The following SCLT1 variants were observed in gnomAD, a reference collection of about 807,000 sequenced individuals.
SCLT1 encodes the protein sodium channel-associated protein 1.
In SCLT1, 78 loss-of-function variants were observed where a neutral mutation model predicts 112.8. The ratio of observed to expected loss-of-function variants is 0.69; its 90% CI spans 0.58 to 0.83. SCLT1 has a LOEUF of 0.83. Among genes scored for constraint, SCLT1 ranks in the 40% least tolerant of loss-of-function variants. The pLI is 0.00. For missense variants in SCLT1, 747 were observed against 770.4 expected (o/e 0.97, Z 0.36); for synonymous variants, 257 against 254.7 (o/e 1.01, Z -0.09).
chr4:129,077,398 T>C (rs993303085), intron 2 of SCLT1, among the ~76,000 whole-genome samples: 4 of 152,194 alleles, frequency 2.6e-5, no homozygotes, highest in African/African-American at 9.6e-5. Context: ...GGACTTTATC[T>C]TGAAAAATAA....
chr4:129,086,312 T>C (rs1752391773), intron 1 of SCLT1, among the ~76,000 whole-genome samples: 1 of 13,616 alleles, frequency 7.3e-5, no homozygotes, highest in African/African-American at 1.7e-4. Flanking sequence ...GGTGTATGTA[T>C]GTATATATAT....
intron 5 of SCLT1, among the ~76,000 whole-genome samples, chr4:129,033,914 A>G (rs947233492): frequency 1.3e-5 from 2 of 152,210 alleles, no homozygotes; most frequent in Non-Finnish European, 2.9e-5. Flanking sequence ...GATTATTAAA[A>G]ATAGATATTT....
chr4:129,033,154 T>C (rs1467045598), intron 5 of SCLT1, among the ~76,000 whole-genome samples: 1 of 152,042 alleles, frequency 6.6e-6, no homozygotes, highest in Middle Eastern at 3.2e-3. Context: ...CAGAATACTA[T>C]GCAGCCATAA....
At chr4:129,007,466 T>C (rs1191887771) in intron 5 of SCLT1, among the ~76,000 whole-genome samples, 1 of 152,204 alleles carries the variant, frequency 6.6e-6, no homozygotes, top group African/African-American at 2.4e-5. Flanking sequence ...TGGGCAAATA[T>C]AATTTCGTAT....
At position 128,985,109 on chromosome 4, in the gene SCLT1, T is replaced by C. The variant is rs188333909; in HGVS notation, c.686+7058A>G. Among the ~76,000 whole-genome samples, 871 of 152,278 alleles carry C rather than the reference T, an allele frequency of 5.7e-3. 4 individuals are homozygous for C. The highest frequency in any genetic ancestry group is 8.8e-3 in the Admixed American group (134 of 15,298). ...TGTAATTATCACATTTTACTGTTCA[T>C]TCCCTTAGTGACAAATACCTAGGTT... On this transcript the variant is annotated intron_variant, in intron 9 of 20. Transcript: ENST00000281142.
intron 2 of SCLT1, among the ~76,000 whole-genome samples, chr4:129,061,592 G>T (rs1390171700): frequency 6.6e-6 from 1 of 152,128 alleles, no homozygotes; most frequent in Non-Finnish European, 1.5e-5. Flanking sequence ...AGATGTGATT[G>T]CTCTGAGTGG....
chr4:129,071,730 G>T (rs1325614983), intron 2 of SCLT1, among the ~76,000 whole-genome samples: 1 of 152,128 alleles, frequency 6.6e-6, no homozygotes, highest in East Asian at 1.9e-4. Context: ...CAGATAGTTG[G>T]TTGGTGAGTT....
chr4:128,885,325 C>T (rs933656729), intron 20 of SCLT1, among the ~76,000 whole-genome samples: 1 of 152,156 alleles, frequency 6.6e-6, no homozygotes, highest in African/African-American at 2.4e-5. Context: ...ATTCCATAGA[C>T]CCCTCTCCAG....
In SCLT1 at chr4:128,910,367, T is replaced by A. The variant is rs183230054; in HGVS notation, c.1830-19230A>T. Among the ~76,000 whole-genome samples, 40 of 152,370 alleles carry A rather than the reference T, an allele frequency of 2.6e-4. No individual in the cohort carries two copies. In the East Asian group the frequency reaches 6.4e-3, roughly 24 times the overall value. ...AAAAGTGAGGCTGAACTTGCTTTGC[T>A]ATGTTTAAAGGAGATTTGCATCGAT... On this transcript the variant is annotated intron_variant, in intron 18 of 20. Coordinates refer to ENST00000281142, the MANE Select transcript of SCLT1 (RefSeq NM_144643.4).
At chr4:128,930,396 A>G (rs185871137) in intron 18 of SCLT1, among the ~76,000 whole-genome samples, 60 of 152,282 alleles carry the variant, frequency 3.9e-4, no homozygotes, top group Admixed American at 3.3e-3. Flanking sequence ...TTCATGAAAG[A>G]CCTTGTGTCA....
intron 10 of SCLT1, among the ~76,000 whole-genome samples, chr4:128,969,169 C>T (rs1168796345): frequency 6.6e-6 from 1 of 152,178 alleles, no homozygotes; most frequent in Non-Finnish European, 1.5e-5. Context: ...TCCCCCACTT[C>T]CATATGCATA....
intron 14 of SCLT1, among the ~76,000 whole-genome samples, chr4:128,952,110 G>A (rs1458195709): frequency 1.3e-5 from 2 of 152,148 alleles, no homozygotes; most frequent in African/African-American, 2.4e-5. Flanking sequence ...GAGACAGAGT[G>A]TGTATGCTCA....
intron 2 of SCLT1, among the ~76,000 whole-genome samples, chr4:129,044,557 G>A (rs534837229): frequency 1.3e-5 from 2 of 151,694 alleles, no homozygotes; most frequent in South Asian, 2.1e-4. Context: ...ACAATATCTG[G>A]GAATAAAGCA....
intron 18 of SCLT1, among the ~76,000 whole-genome samples, chr4:128,924,152 TA>T (rs1007623399): frequency 8.6e-5 from 13 of 151,600 alleles, no homozygotes; most frequent in East Asian, 1.9e-4. Context: ...GTTGTAAGAT[TA>T]AAAAAAAATC....
chr4:128,997,855 T>C lies in SCLT1; in HGVS notation c.615+19A>G, dbSNP rs755621963. 34 of 1,207,180 alleles carry C rather than the reference T, an allele frequency of 2.8e-5. No homozygotes were observed. Among genetic ancestry groups the C allele is most frequent in the Non-Finnish European group, 3.6e-5 (31 of 862,486 alleles). 74.8% of individuals were successfully genotyped at this position (1,207,180 alleles called of 1,614,324 possible). On this transcript the variant is annotated intron_variant, in intron 8 of 20. Coordinates refer to ENST00000281142, the MANE Select transcript of SCLT1 (RefSeq NM_144643.4). ...ATTTATAGGGACAATTTCTAGTTTATATAAATAAGTATACTTACCACTTCC... is the reference window on the plus strand; with the variant it reads ...ATTTATAGGGACAATTTCTAGTTTACATAAATAAGTATACTTACCACTTCC...
intron 11 of SCLT1, among the ~76,000 whole-genome samples, chr4:128,961,971 T>G (rs529009880): frequency 6.6e-6 from 1 of 152,324 alleles, no homozygotes; most frequent in South Asian, 2.1e-4. Context: ...TTTTTTTCTA[T>G]TTTAGTCTTT....
intron 18 of SCLT1, among the ~76,000 whole-genome samples, chr4:128,928,144 C>T (rs933113781): frequency 6.6e-6 from 1 of 151,782 alleles, no homozygotes; most frequent in African/African-American, 2.4e-5. Context: ...ACAACAAAAA[C>T]AACAACAAAA....
chr4:129,002,330 T>A (rs1014604898), intron 6 of SCLT1, among the ~76,000 whole-genome samples: 16 of 151,832 alleles, frequency 1.1e-4, no homozygotes, highest in African/African-American at 3.9e-4. Flanking sequence ...ATGAATAAAA[T>A]TCACAAAAAA....
intron 5 of SCLT1, among the ~76,000 whole-genome samples, chr4:129,022,182 G>C (rs1745546390): frequency 6.6e-6 from 1 of 152,334 alleles, no homozygotes; most frequent in East Asian, 1.9e-4. Context: ...CCATGAAGAT[G>C]AGGAAAAATC....
Sources: allele counts gnomAD v4.1 joint callset (sites outside exome capture counted in the v4.1 genomes callset), GRCh38; gene constraint gnomAD v4.1.1; transcripts MANE v1.5; gene names NCBI Gene and HGNC (gene_info 2026-07-23, HGNC 2026-07-21).